Variants in FBXL20 observed in about 807,000 individuals in gnomAD.
The protein encoded by FBXL20 is F-box and leucine rich repeat protein 20.
FBXL20 carries 11 observed loss-of-function variants against 64.0 expected under a neutral mutation model. That is an observed-to-expected ratio of 0.17 (90% CI 0.11 to 0.28). The LOEUF (loss-of-function observed/expected upper bound fraction) is 0.28, where lower values mean the gene tolerates loss of function less well. FBXL20 is among the 10% of genes least tolerant of loss of function. FBXL20 has a pLI of 1.00. For synonymous variants in FBXL20, 184 were observed against 189.0 expected (o/e 0.97, Z 0.22); for missense variants, 303 against 526.2 (o/e 0.58, Z 4.15).
Position 39,333,541 on chromosome 17 carries a change from G to C in FBXL20, c.104+9639C>G, listed in dbSNP as rs1453474938. On this transcript the variant is annotated intron_variant, in intron 2 of 14. Transcript: ENST00000264658. ...CTGCCTTGGCTTCCCAAAGTGCCGA[G>C]ATTGCAGCCTCTGCCCGGCCGCCAC... Among the ~76,000 whole-genome samples, 5 of 152,224 alleles carry C rather than the reference G, an allele frequency of 3.3e-5. No homozygotes were observed. The East Asian group carries it at 9.6e-4, about 29-fold the overall frequency.
chr17:39,306,847 T>A (rs1046064797), intron 2 of FBXL20, among the ~76,000 whole-genome samples: 10 of 152,200 alleles, frequency 6.6e-5, no homozygotes, highest in African/African-American at 2.4e-4. Flanking sequence ...TTAAAACTGA[T>A]AATAAATTAA....
chr17:39,270,191 T>C (rs2046831385), intron 11 of FBXL20, among the ~76,000 whole-genome samples: 1 of 152,176 alleles, frequency 6.6e-6, no homozygotes, highest in African/African-American at 2.4e-5. Context: ...ACCAATAAGT[T>C]TTTTCACAAA....
chr17:39,390,326 C>T (rs751752155), intron 1 of FBXL20, among the ~76,000 whole-genome samples: 65 of 151,902 alleles, frequency 4.3e-4, no homozygotes, highest in Non-Finnish European at 6.8e-4. Context: ...TTTGAGAGGC[C>T]GAGGCAGGTG....
intron 6 of FBXL20, among the ~76,000 whole-genome samples, chr17:39,291,088 A>T (rs2144413757): frequency 1.3e-5 from 2 of 151,638 alleles, no homozygotes; most frequent in South Asian, 4.2e-4. Flanking sequence ...CAGCCTCCAG[A>T]GCAGCTGGGA....
intron 1 of FBXL20, among the ~76,000 whole-genome samples, chr17:39,368,790 G>A (rs1193625695): frequency 6.6e-6 from 1 of 151,990 alleles, no homozygotes; most frequent in East Asian, 1.9e-4. Context: ...CGAGTAGCTG[G>A]GACTACAGGT....
chr17:39,274,134 C>T (rs560428378), intron 10 of FBXL20, among the ~76,000 whole-genome samples: 1 of 152,314 alleles, frequency 6.6e-6, no homozygotes, highest in Admixed American at 6.5e-5. Flanking sequence ...CTCGGTCTCC[C>T]TAAATGCTGG....
chr17:39,274,810 G>A (rs1165771766), intron 10 of FBXL20, among the ~76,000 whole-genome samples, 160 bp downstream of exon 10: 3 of 152,168 alleles, frequency 2.0e-5, no homozygotes, highest in African/African-American at 7.2e-5. Flanking sequence ...GAAATCAAAT[G>A]AGGTACAAAA....
intron 1 of FBXL20, among the ~76,000 whole-genome samples, chr17:39,392,102 A>G (rs894873467): frequency 3.9e-5 from 6 of 152,092 alleles, no homozygotes; most frequent in Non-Finnish European, 8.8e-5. Flanking sequence ...ACGCCACTGC[A>G]CTCTAGCCCA....
intron 1 of FBXL20, among the ~76,000 whole-genome samples, chr17:39,368,248 C>T (rs1224665452): frequency 6.6e-6 from 1 of 152,026 alleles, no homozygotes; most frequent in East Asian, 1.9e-4. Context: ...TAAAATTACA[C>T]AGGCACAGTG....
At chr17:39,321,298 A>G (rs1411003347) in intron 2 of FBXL20, among the ~76,000 whole-genome samples, 4 of 151,656 alleles carry the variant, frequency 2.6e-5, no homozygotes, top group Non-Finnish European at 4.4e-5. Context: ...CTAAAAATAC[A>G]AAAATTAGCC....
At chr17:39,362,750 G>A (rs2047810765) in intron 1 of FBXL20, among the ~76,000 whole-genome samples, 1 of 151,446 alleles carries the variant, frequency 6.6e-6, no homozygotes, top group Non-Finnish European at 1.5e-5. Context: ...CCAAACAGCT[G>A]GGATTACAGG....
rs917882033 is a variant in FBXL20 at position 39,256,840 on chromosome 17, A to G, written c.*4620T>C. 2.6e-5 allele frequency: 4 copies of G among 152,226 alleles called. No individual in the cohort carries two copies. Among genetic ancestry groups the G allele is most frequent in the Non-Finnish European group, 5.9e-5 (4 of 68,054 alleles). The allele number at this position is 152,226 out of a possible 1,614,324, so 9.4% of individuals were successfully genotyped here. On this transcript the variant is annotated 3_prime_UTR_variant, in exon 15 of 15. Coordinates refer to ENST00000264658, the MANE Select transcript of FBXL20 (RefSeq NM_032875.3). ...CACCTAAGGACATGCTGACTAAACA[A>G]GCAGGCAGGAAGCCACTCTCTTCTT...
intron 7 of FBXL20, among the ~76,000 whole-genome samples, chr17:39,283,438 C>CT (rs529957578): frequency 8.9e-4 from 135 of 151,788 alleles, no homozygotes; most frequent in African/African-American, 3.0e-3. Flanking sequence ...ATTTTCTTTT[C>CT]TTTCTTTTTT....
At chr17:39,317,701 GTTTTTTTTTTT>G (rs1238194174) in intron 2 of FBXL20, among the ~76,000 whole-genome samples, 19 of 44,298 alleles carry the variant, frequency 4.3e-4, no homozygotes, top group South Asian at 3.0e-3. Context: ...TTTTTTTTTT[GTTTTTTTTTTT>G]TTTTTTTGAG....
intron 2 of FBXL20, among the ~76,000 whole-genome samples, chr17:39,320,655 CA>C (rs1363656069): frequency 6.8e-6 from 1 of 147,668 alleles, no homozygotes; most frequent in Non-Finnish European, 1.5e-5. Context: ...AGTGCAGTGG[CA>C]AGATCTTGGC....
intron 3 of FBXL20, among the ~76,000 whole-genome samples, chr17:39,301,309 A>G (rs1406609245): frequency 1.3e-5 from 2 of 152,176 alleles, no homozygotes; most frequent in Admixed American, 6.6e-5. Context: ...AAAAGATCTT[A>G]GGCCAGGCAT....
rs61446377 is a variant in FBXL20, at chr17:39,272,384, C to CA, written c.828-1529dup. On this transcript the variant is annotated intron_variant, in intron 10 of 14. Coordinates refer to ENST00000264658, the MANE Select transcript of FBXL20 (RefSeq NM_032875.3). Reference sequence around the variant, plus strand: ...CTGGCAACAGAGCGAGACTTTGTCTCAAAAAAAAAAAAAAAAAATTTTTTT... The same window carrying CA: ...CTGGCAACAGAGCGAGACTTTGTCTCAAAAAAAAAAAAAAAAAAATTTTTTT... Among the ~76,000 whole-genome samples the CA allele has an allele frequency of 5.3e-3, 690 of 130,988 alleles. 4 individuals carry two copies. The highest frequency in any genetic ancestry group is 0.033 in the East Asian group (152 of 4,576). The allele number at this position is 130,988 out of a possible 152,430, so 85.9% of individuals were successfully genotyped here. A position where few individuals can be genotyped will look rare whatever the true frequency, so the allele number is the denominator to read the frequency against.
intron 1 of FBXL20, among the ~76,000 whole-genome samples, chr17:39,374,958 C>A (rs764102236): frequency 6.6e-6 from 1 of 151,948 alleles, no homozygotes; most frequent in Non-Finnish European, 1.5e-5. Context: ...AGCTAATTTT[C>A]GTATTTTTAG....
intron 11 of FBXL20, 98 bp from the exon 12 acceptor site, chr17:39,268,969 T>C (rs903528874): frequency 4.9e-5 from 54 of 1,092,726 alleles, no homozygotes; most frequent in Middle Eastern, 5.0e-4. Context: ...ATTAAATACG[T>C]TGATAAATTC....
Sources: allele counts gnomAD v4.1 joint callset (sites outside exome capture counted in the v4.1 genomes callset), GRCh38; gene constraint gnomAD v4.1.1; transcripts MANE v1.5; gene names NCBI Gene and HGNC (gene_info 2026-07-23, HGNC 2026-07-21).